Variants in RBFOX1 observed in about 807,000 individuals in gnomAD.
RBFOX1 encodes RNA binding fox-1 homolog 1, also known as RNA binding protein fox-1 homolog 1.
In RBFOX1, 8 loss-of-function variants were observed where a neutral mutation model predicts 57.7. That is an observed-to-expected ratio of 0.14 (90% CI 0.08 to 0.25). The LOEUF (loss-of-function observed/expected upper bound fraction) is 0.25. RBFOX1 is among the 10% of genes least tolerant of loss of function. RBFOX1 has a pLI of 1.00. For synonymous variants in RBFOX1, 326 were observed against 222.4 expected, an observed-to-expected ratio of 1.47 and a Z score of -4.15; for missense variants, 611 against 548.5, an observed-to-expected ratio of 1.11 and a Z score of -1.14.
chr16:7,480,358 T>A (rs1341428218), intron 4 of RBFOX1, among the ~76,000 whole-genome samples: 2 of 152,230 alleles, frequency 1.3e-5, no homozygotes, highest in Non-Finnish European at 2.9e-5. Flanking sequence ...ACTATCCTTT[T>A]ACTGTTTAGA....
intron 4 of RBFOX1, among the ~76,000 whole-genome samples, chr16:7,250,147 G>T (rs910703616): frequency 3.3e-5 from 5 of 151,924 alleles, no homozygotes; most frequent in African/African-American, 9.7e-5. Flanking sequence ...GCCTTTTATT[G>T]ATTTTCGAGA....
rs56820577 is a variant in RBFOX1 at position 5,529,389 on chromosome 16, CT to C, written c.258+62155del. Among the ~76,000 whole-genome samples, 291 of 130,926 alleles carry C rather than the reference CT, an allele frequency of 2.2e-3. 1 individual carries two copies. The highest frequency in any genetic ancestry group is 4.0e-3 in the East Asian group (18 of 4,522). The allele number at this position is 130,926 out of a possible 152,430, so 85.9% of individuals were successfully genotyped here. A position where few individuals can be genotyped will look rare whatever the true frequency, so the allele number is the denominator to read the frequency against. ...GACCCCAATCCAGTATGGCCAGTGT[CT>C]TTTTTTTTTTTTTTTTTTTAATTTG... On this transcript the variant is annotated intron_variant, in intron 2 of 2. Coordinates refer to the RBFOX1 transcript ENST00000585867.
intron 4 of RBFOX1, among the ~76,000 whole-genome samples, chr16:7,095,092 A>G (rs1296488442): frequency 1.3e-5 from 2 of 152,056 alleles, no homozygotes; most frequent in South Asian, 4.2e-4. Context: ...TGTTTTAACT[A>G]GAATGTTCTT....
At chr16:5,608,071 T>G (rs1349573155) in intron 3 of RBFOX1, among the ~76,000 whole-genome samples, 2 of 152,156 alleles carry the variant, frequency 1.3e-5, no homozygotes, top group African/African-American at 4.8e-5. Flanking sequence ...CATGTTTAAT[T>G]TGAGTAGCTA....
chr16:6,919,786 T>TTC (rs59628761), intron 3 of RBFOX1, among the ~76,000 whole-genome samples: 1 of 146,438 alleles, frequency 6.8e-6, no homozygotes, highest in Non-Finnish European at 1.5e-5. Context: ...TTTTTTTTTT[T>TTC]CATTATTATT....
intron 3 of RBFOX1, among the ~76,000 whole-genome samples, chr16:6,930,934 CATATAT>C (rs150999344): frequency 6.7e-6 from 1 of 149,532 alleles, no homozygotes. Flanking sequence ...TATGTATATT[CATATAT>C]ATATATATAG....
At chr16:6,812,337 G>T (rs989235064) in intron 3 of RBFOX1, among the ~76,000 whole-genome samples, 2 of 152,136 alleles carry the variant, frequency 1.3e-5, no homozygotes, top group African/African-American at 2.4e-5. Flanking sequence ...ACAATGCAAA[G>T]TGCCAATTAG....
intron 1 of RBFOX1, among the ~76,000 whole-genome samples, chr16:6,246,127 G>A (rs1449893296): frequency 6.6e-6 from 1 of 152,148 alleles, no homozygotes; most frequent in African/African-American, 2.4e-5. Context: ...ACTGTAGGAT[G>A]TATTGAATCA....
At chr16:5,495,215 A>C (rs1156761055) in intron 2 of RBFOX1, among the ~76,000 whole-genome samples, 1 of 152,226 alleles carries the variant, frequency 6.6e-6, no homozygotes, top group East Asian at 1.9e-4. Context: ...GGAAATAGAA[A>C]GAATTAACTT....
intron 4 of RBFOX1, among the ~76,000 whole-genome samples, chr16:5,956,658 T>TTA (rs1217474515): frequency 8.8e-4 from 90 of 101,952 alleles, no homozygotes; most frequent in South Asian, 3.3e-3. Context: ...ATATATATAT[T>TTA]TATATATATA....
chr16:7,113,891 G>T (rs999550648), intron 4 of RBFOX1, among the ~76,000 whole-genome samples: 1 of 152,100 alleles, frequency 6.6e-6, no homozygotes, highest in Non-Finnish European at 1.5e-5. Context: ...ATGCATCTCA[G>T]TGTGTGCATG....
chr16:5,369,701 T>C (rs2065811669), intron 1 of RBFOX1, among the ~76,000 whole-genome samples: 1 of 152,172 alleles, frequency 6.6e-6, no homozygotes, highest in South Asian at 2.1e-4. Flanking sequence ...CTTTCAGAGG[T>C]GGGTCTCAGT....
intron 4 of RBFOX1, among the ~76,000 whole-genome samples, chr16:5,900,811 C>G (rs765975446): frequency 6.6e-6 from 1 of 152,164 alleles, no homozygotes; most frequent in Non-Finnish European, 1.5e-5. Context: ...TCACAACCAC[C>G]GTCAAGACAT....
At chr16:6,902,667 A>G (rs2068774750) in intron 3 of RBFOX1, among the ~76,000 whole-genome samples, 1 of 152,182 alleles carries the variant, frequency 6.6e-6, no homozygotes, top group Admixed American at 6.5e-5. Context: ...GGCTGTAGTG[A>G]GCTGAGATTG....
chr16:6,495,221 C>G (rs914804306), intron 2 of RBFOX1, among the ~76,000 whole-genome samples: 2 of 152,092 alleles, frequency 1.3e-5, no homozygotes, highest in African/African-American at 2.4e-5. Flanking sequence ...CGGATTCAAG[C>G]GATTCTTTTG....
At chr16:6,975,944 G>T (rs2086731482) in intron 3 of RBFOX1, among the ~76,000 whole-genome samples, 1 of 152,032 alleles carries the variant, frequency 6.6e-6, no homozygotes, top group Non-Finnish European at 1.5e-5. Flanking sequence ...TGGCCAACAT[G>T]GTGAAACCCC....
At chr16:6,472,042 C>A (rs2095187928) in intron 2 of RBFOX1, among the ~76,000 whole-genome samples, 1 of 152,178 alleles carries the variant, frequency 6.6e-6, no homozygotes, top group Admixed American at 6.5e-5. Context: ...TCCCATCACC[C>A]CCCATTCTTT....
intron 2 of RBFOX1, among the ~76,000 whole-genome samples, chr16:5,487,809 T>C (rs2042680561): frequency 6.6e-6 from 1 of 152,098 alleles, no homozygotes; most frequent in South Asian, 2.1e-4. Flanking sequence ...ATGATGATGA[T>C]AGTAGTGGGA....
At chr16:7,410,593 C>T (rs747489974) in intron 4 of RBFOX1, among the ~76,000 whole-genome samples, 1 of 152,318 alleles carries the variant, frequency 6.6e-6, no homozygotes, top group South Asian at 2.1e-4. Context: ...AGCAGAATCA[C>T]TTGAACCCAG....
Sources: allele counts gnomAD v4.1 joint callset (sites outside exome capture counted in the v4.1 genomes callset), GRCh38; gene constraint gnomAD v4.1.1; transcripts MANE v1.5; gene names NCBI Gene and HGNC (gene_info 2026-07-23, HGNC 2026-07-21).